FRAS1: variants seen among roughly 807,000 people sequenced by gnomAD.
The protein encoded by FRAS1 is extracellular matrix organizing protein FRAS1.
A neutral mutation model predicts 435.2 loss-of-function variants in FRAS1; 290 were observed. That is an observed-to-expected ratio of 0.67 (90% confidence interval 0.61 to 0.73). FRAS1 has a LOEUF of 0.73. FRAS1 is among the 30% of genes least tolerant of loss of function. The pLI is 0.00. For synonymous variants in FRAS1, 1,800 were observed against 1,851.0 expected, an observed-to-expected ratio of 0.97 and a Z score of 0.71; for missense variants, 4,860 against 5,001.5, an observed-to-expected ratio of 0.97 and a Z score of 0.85.
At chr4:78,290,512 A>G (rs1727840083) in intron 14 of FRAS1, among the ~76,000 whole-genome samples, 1 of 151,006 alleles carries the variant, frequency 6.6e-6, no homozygotes, top group South Asian at 2.1e-4. Flanking sequence ...GCTGGAGTAC[A>G]GTGGCACAAT....
intron 33 of FRAS1, among the ~76,000 whole-genome samples, chr4:78,421,207 G>T (rs969647130): frequency 3.3e-5 from 5 of 152,076 alleles, no homozygotes; most frequent in Non-Finnish European, 5.9e-5. Flanking sequence ...GAGTGCAGTG[G>T]TGCAATCTCA....
At chr4:78,396,119 CTG>C (rs1216603564) in intron 29 of FRAS1, among the ~76,000 whole-genome samples, 6 of 152,078 alleles carry the variant, frequency 3.9e-5, no homozygotes, top group African/African-American at 1.2e-4. Context: ...GCATACAAAA[CTG>C]TTTACTTCTC....
chr4:78,477,873 A>T lies in FRAS1; in HGVS notation c.7910A>T (p.Asp2637Val). Residue 2637 changes from aspartate to valine, a missense_variant, in exon 55 of 74, where the codon GAC (aspartate) becomes GTC (valine). Physicochemically the swap from Asp to Val is radical, Grantham distance 152 (BLOSUM62 -3). Coordinates refer to ENST00000512123, the MANE Select transcript of FRAS1 (RefSeq NM_025074.7). The part of the protein sequence containing the change: ...KSCTIVINDD[D>V]VFENVESFTV... Reference sequence around the variant, plus strand: ...TGCACCATTGTCATCAACGATGATGACGTGTTTGAAAATGTTGAGAGTTTC... The same window carrying T: ...TGCACCATTGTCATCAACGATGATGTCGTGTTTGAAAATGTTGAGAGTTTC... 1.2e-6 allele frequency: 2 copies of T among 1,613,552 alleles called. No individual in the cohort carries two copies. Among genetic ancestry groups the T allele is most frequent in the Non-Finnish European group, 1.7e-6 (2 of 1,179,740 alleles).
chr4:78,341,662 C>T (rs931858615), intron 20 of FRAS1, among the ~76,000 whole-genome samples: 10 of 152,052 alleles, frequency 6.6e-5, no homozygotes, highest in Admixed American at 6.6e-4. Context: ...GCTCCCTCAG[C>T]CCTGGGGGGT....
rs565953152 is a variant in FRAS1 at position 78,322,862 on chromosome 4, T to C, written c.2137+3876T>C. 3.9e-5 allele frequency among the ~76,000 whole-genome samples: 6 copies of C among 152,330 alleles called. No homozygotes were observed. In the East Asian group the frequency reaches 9.6e-4, roughly 24 times the overall value. On this transcript the variant is annotated intron_variant, in intron 18 of 73. Transcript: ENST00000512123. Reference sequence around the variant, plus strand: ...GCATTTCTAGGCACTGTGAATATACTAGCAAACGAGTCAAATGAAAAGTCC... The same window carrying C: ...GCATTTCTAGGCACTGTGAATATACCAGCAAACGAGTCAAATGAAAAGTCC...
chr4:78,371,083 G>GGTTT (rs1456015210), intron 23 of FRAS1, among the ~76,000 whole-genome samples: 11,254 of 124,856 alleles, frequency 0.09, 630 homozygotes, highest in East Asian at 0.23. Flanking sequence ...TTTTTTTTCT[G>GGTTT]TTTTTTTGTT....
intron 32 of FRAS1, among the ~76,000 whole-genome samples, chr4:78,413,389 G>T (rs928052900): frequency 5.9e-5 from 9 of 152,168 alleles, no homozygotes. Flanking sequence ...TCAGGCTTAT[G>T]TCCATGAAAT....
At chr4:78,427,371 C>T (rs556350697) in intron 35 of FRAS1, among the ~76,000 whole-genome samples, 4 of 152,276 alleles carry the variant, frequency 2.6e-5, no homozygotes, top group African/African-American at 4.8e-5. Flanking sequence ...AAATAAATTC[C>T]TCTTCTCATA....
intron 2 of FRAS1, chr4:78,068,660 T>C (rs563578027): frequency 4.8e-5 from 22 of 454,266 alleles, no homozygotes; most frequent in African/African-American, 3.4e-4. Context: ...AGGGAAACTA[T>C]ATTAAATACT....
At chr4:78,254,378 C>T (rs1198776138) in intron 5 of FRAS1, among the ~76,000 whole-genome samples, 1 of 152,126 alleles carries the variant, frequency 6.6e-6, no homozygotes, top group African/African-American at 2.4e-5. Context: ...CCATTTCCAG[C>T]AATCCTTTAT....
chr4:78,314,646 T>A (rs933199881), intron 15 of FRAS1, among the ~76,000 whole-genome samples: 1 of 152,170 alleles, frequency 6.6e-6, no homozygotes, highest in African/African-American at 2.4e-5. Flanking sequence ...GGCCATAGGT[T>A]TCTATAATCT....
chr4:78,112,604 T>C (rs987619362), intron 2 of FRAS1, among the ~76,000 whole-genome samples: 3 of 152,254 alleles, frequency 2.0e-5, no homozygotes, highest in African/African-American at 7.2e-5. Context: ...ACTATGTAAG[T>C]AGTACTTGTT....
intron 2 of FRAS1, among the ~76,000 whole-genome samples, chr4:78,157,067 C>A (rs564614504): frequency 2.0e-5 from 3 of 152,308 alleles, no homozygotes; most frequent in African/African-American, 7.2e-5. Flanking sequence ...GATCACAACC[C>A]CATTGGCATT....
chr4:78,066,072 G>A (rs1374387728), intron 2 of FRAS1, 56 bp downstream of exon 2: 1 of 1,264,214 alleles, frequency 7.9e-7, no homozygotes, highest in African/African-American at 1.5e-5. Flanking sequence ...ATGCTTGATT[G>A]AAGTTCCTGA....
At chr4:78,075,789 T>C (rs1740609869) in intron 2 of FRAS1, among the ~76,000 whole-genome samples, 1 of 152,176 alleles carries the variant, frequency 6.6e-6, no homozygotes, top group African/African-American at 2.4e-5. Context: ...ATCTTGGCCT[T>C]GAAATATGGG....
intron 14 of FRAS1, among the ~76,000 whole-genome samples, chr4:78,291,240 C>T (rs6838026): frequency 0.032 from 4,836 of 152,262 alleles, 262 homozygotes; most frequent in African/African-American, 0.11. Context: ...CTTTTTGGCA[C>T]GAGGTACTGG....
intron 20 of FRAS1, among the ~76,000 whole-genome samples, chr4:78,338,607 T>G (rs1043558142): frequency 6.6e-6 from 1 of 152,304 alleles, no homozygotes; most frequent in South Asian, 2.1e-4. Context: ...TCAGAAGGGC[T>G]GAACTGGGGA....
rs1362728238 is a variant in FRAS1 at position 78,319,123 on chromosome 4, C to A, written c.2137+137C>A. The A allele has an allele frequency of 1.1e-5, 9 of 849,334 alleles. No homozygotes were observed. In the East Asian group the frequency reaches 1.7e-4, roughly 16 times the overall value. 52.6% of individuals were successfully genotyped at this position (849,334 alleles called of 1,614,324 possible). A position where few individuals can be genotyped will look rare whatever the true frequency, so the allele number is the denominator to read the frequency against. ...AGATGCTTGTGAATAAAGCAGGAGA[C>A]CAACGTGCAAAAGAGTAGCCCCCAC... is the stretch of plus-strand genomic sequence containing the variant. On this transcript the variant is annotated intron_variant, in intron 18 of 73. Transcript: ENST00000512123.
chr4:78,356,011 C>A (rs1730839624), intron 20 of FRAS1, among the ~76,000 whole-genome samples: 1 of 152,214 alleles, frequency 6.6e-6, no homozygotes, highest in South Asian at 2.1e-4. Context: ...TGCCCATAGA[C>A]TTTACTGTGA....
Sources: gnomAD v4.1 joint callset for allele counts (sites outside exome capture counted in the v4.1 genomes callset) on GRCh38, gnomAD v4.1.1 for gene constraint, MANE v1.5 for transcripts, NCBI Gene and HGNC (gene_info 2026-07-23, HGNC 2026-07-21) for gene names.